ABCB5: variants seen among roughly 807,000 people sequenced by gnomAD.
ABCB5 encodes ATP binding cassette subfamily B member 5.
In ABCB5, 155 loss-of-function variants were observed where a neutral mutation model predicts 144.2. The ratio of observed to expected loss-of-function variants is 1.08; its 90% CI spans 0.94 to 1.23. The LOEUF (loss-of-function observed/expected upper bound fraction) is 1.23. ABCB5 is among the 50% of genes most tolerant of loss of function. The probability of loss-of-function intolerance (pLI) is 0.00; values close to 1 mark genes in which losing one functional copy is unlikely to be tolerated. For synonymous variants in ABCB5, 610 were observed against 528.6 expected, an observed-to-expected ratio of 1.15 and a Z score of -2.11; for missense variants, 1,830 against 1,520.8, an observed-to-expected ratio of 1.20 and a Z score of -3.38.
intron 19 of ABCB5, among the ~76,000 whole-genome samples, chr7:20,702,811 A>G (rs993757111): frequency 2.7e-5 from 4 of 146,472 alleles, no homozygotes; most frequent in South Asian, 4.4e-4. Flanking sequence ...ACAGGCGCCC[A>G]CCGCCACGCC....
At chr7:20,729,591 T>C (rs1353126661) in intron 23 of ABCB5, among the ~76,000 whole-genome samples, 1 of 152,178 alleles carries the variant, frequency 6.6e-6, no homozygotes, top group African/African-American at 2.4e-5. Context: ...ACTGCTAAAT[T>C]AGAAAAATTA....
intron 14 of ABCB5, among the ~76,000 whole-genome samples, chr7:20,665,249 G>A (rs939237196): frequency 1.3e-5 from 2 of 152,116 alleles, no homozygotes; most frequent in African/African-American, 4.8e-5. Context: ...CAACGAGCAG[G>A]TGAGTCACCC....
chr7:20,752,332 T>A (rs1440721555), intron 26 of ABCB5, among the ~76,000 whole-genome samples: 1 of 152,144 alleles, frequency 6.6e-6, no homozygotes, highest in Non-Finnish European at 1.5e-5. Context: ...TGGGACAATC[T>A]AAAAAGCAGG....
At chr7:20,667,612 C>A (rs891113513) in intron 14 of ABCB5, 1 of 902,262 alleles carries the variant, frequency 1.1e-6, no homozygotes, top group South Asian at 5.1e-5. Context: ...GGTCACATCA[C>A]GTGGCTTCAT....
chr7:20,698,694 T>C lies in ABCB5; in HGVS notation c.2154+144T>C, dbSNP rs1024059895. 3.7e-5 allele frequency: 25 copies of C among 682,602 alleles called. No individual in the cohort carries two copies. In the Middle Eastern group the frequency reaches 1.2e-3, roughly 33 times the overall value. The allele number at this position is 682,602 out of a possible 1,614,324, so 42.3% of individuals were successfully genotyped here. A position where few individuals can be genotyped will look rare whatever the true frequency, so the allele number is the denominator to read the frequency against. On this transcript the variant is annotated intron_variant, in intron 17 of 27. Transcript: ENST00000404938. Reference sequence around the variant, plus strand: ...TAGTGTGGAGTCCGTGATAGGAAGGTTAATTAATGTTCCCAGGAGATAAGC... The same window carrying C: ...TAGTGTGGAGTCCGTGATAGGAAGGCTAATTAATGTTCCCAGGAGATAAGC...
In ABCB5 at chr7:20,656,061, T is replaced by C. The variant is rs988751320; in HGVS notation, c.1537-2445T>C. Among the ~76,000 whole-genome samples the C allele has an allele frequency of 8.6e-5, 13 of 151,616 alleles. No individual in the cohort carries two copies. The East Asian group carries it at 9.7e-4, about 11-fold the overall frequency. On this transcript the variant is annotated intron_variant, in intron 13 of 27. Transcript: ENST00000404938. ...GGGAAAGAAATATCTTTTCAACAAATGGTGCTGGAACAAATGGTTATCCTT... is the reference window on the plus strand; with the variant it reads ...GGGAAAGAAATATCTTTTCAACAAACGGTGCTGGAACAAATGGTTATCCTT...
rs577553609 is a variant in ABCB5 at position 20,670,783 on chromosome 7, C to T, written c.1708-10722C>T. Among the ~76,000 whole-genome samples, 7 of 152,298 alleles carry T rather than the reference C, an allele frequency of 4.6e-5. No homozygotes were observed. The East Asian group carries it at 1.3e-3, about 29-fold the overall frequency. ...AATTAGGCAGGCGTGGTGGCACATG[C>T]CTGTAATCCCAGCTACTTGGGAGGC... On this transcript the variant is annotated intron_variant, in intron 14 of 27. Coordinates refer to ENST00000404938, the MANE Select transcript of ABCB5 (RefSeq NM_001163941.2).
At chr7:20,705,226 A>G (rs1786781587) in intron 20 of ABCB5, among the ~76,000 whole-genome samples, 1 of 152,226 alleles carries the variant, frequency 6.6e-6, no homozygotes, top group Non-Finnish European at 1.5e-5. Context: ...ATTCAGAGTC[A>G]TGTGTGCATC....
At chr7:20,669,723 TAAAAAAAAAAAAAA>T (rs35747177) in intron 14 of ABCB5, among the ~76,000 whole-genome samples, 1 of 65,584 alleles carries the variant, frequency 1.5e-5, no homozygotes, top group African/African-American at 5.4e-5. Context: ...GAATGATCAA[TAAAAAAAAAAAAAA>T]AAAAAAGAAA....
intron 16 of ABCB5, among the ~76,000 whole-genome samples, chr7:20,693,338 G>A (rs1316484597): frequency 2.0e-5 from 3 of 151,808 alleles, no homozygotes; most frequent in Admixed American, 2.0e-4. Context: ...CGTACCCCAT[G>A]TTGGGTAACA....
intron 7 of ABCB5, 103 bp downstream of exon 7, chr7:20,643,735 C>T: frequency 7.9e-7 from 1 of 1,264,202 alleles, no homozygotes; most frequent in Admixed American, 2.2e-5. Context: ...TTGCCATGTC[C>T]CAAACTACAA....
At chr7:20,618,759 ATTTTCTTT>A (rs1783742822) in intron 1 of ABCB5, among the ~76,000 whole-genome samples, 1 of 45,312 alleles carries the variant, frequency 2.2e-5, no homozygotes, top group South Asian at 5.9e-4. Context: ...TATGTGCTGC[ATTTTCTTT>A]TTTTTTTTTT....
rs114155667 is a variant in ABCB5, at chr7:20,739,902, G to C, written c.3024+763G>C. Among the ~76,000 whole-genome samples the C allele has an allele frequency of 7.8e-3, 1,192 of 152,156 alleles. 12 individuals are homozygous for C. The highest frequency in any genetic ancestry group is 0.027 in the African/African-American group (1,125 of 41,502). On this transcript the variant is annotated intron_variant, in intron 24 of 27. Coordinates refer to ENST00000404938, the MANE Select transcript of ABCB5 (RefSeq NM_001163941.2). ...TGTGAATATTAAAAGAGAAATAATA[G>C]GTAGGGTGTATAATTTCAAAATAAA...
chr7:20,678,362 AC>A, intron 14 of ABCB5, among the ~76,000 whole-genome samples: 1 of 152,202 alleles, frequency 6.6e-6, no homozygotes. Flanking sequence ...CAATGAAGAG[AC>A]CTTGTGGAGA....
chr7:20,733,592 T>A (rs1242519349), intron 23 of ABCB5, among the ~76,000 whole-genome samples: 1 of 151,854 alleles, frequency 6.6e-6, no homozygotes, highest in Non-Finnish European at 1.5e-5. Flanking sequence ...TAGAGAGCTA[T>A]CTGAGCTAGA....
At chr7:20,711,877 C>T (rs1355669795) in intron 20 of ABCB5, among the ~76,000 whole-genome samples, 1 of 110,512 alleles carries the variant, frequency 9.0e-6, no homozygotes, top group African/African-American at 3.4e-5. Flanking sequence ...TCCCTCCCTC[C>T]CTCCCTCCCT....
chr7:20,708,086 G>A (rs991952020), intron 20 of ABCB5, among the ~76,000 whole-genome samples: 30 of 152,044 alleles, frequency 2.0e-4, no homozygotes, highest in African/African-American at 6.5e-4. Flanking sequence ...TTACAGGCGT[G>A]AGCCACCGCG....
At chr7:20,688,296 G>A (rs188073653) in intron 16 of ABCB5, among the ~76,000 whole-genome samples, 1 of 152,180 alleles carries the variant, frequency 6.6e-6, no homozygotes, top group African/African-American at 2.4e-5. Context: ...GTTAATGGGA[G>A]TTCTATTAGT....
intron 14 of ABCB5, among the ~76,000 whole-genome samples, chr7:20,678,262 T>C (rs946533102): frequency 3.9e-5 from 6 of 152,202 alleles, no homozygotes; most frequent in African/African-American, 1.4e-4. Flanking sequence ...TTAATCTTAA[T>C]AGCCAATGCT....
Sources: allele counts gnomAD v4.1 joint callset (sites outside exome capture counted in the v4.1 genomes callset), GRCh38; gene constraint gnomAD v4.1.1; transcripts MANE v1.5; gene names NCBI Gene and HGNC (gene_info 2026-07-23, HGNC 2026-07-21).